TAPT1: variants seen among roughly 807,000 people sequenced by gnomAD.
The protein encoded by TAPT1 is transmembrane anterior posterior transformation protein 1 homolog.
Under a neutral mutation model 65.6 loss-of-function variants are expected in TAPT1, and 28 were observed. That is an observed-to-expected ratio of 0.43 (90% confidence interval 0.32 to 0.59). TAPT1 has a LOEUF of 0.59. Ranked by LOEUF, TAPT1 falls within the 20% of genes least tolerant of loss-of-function variation. TAPT1 has a pLI of 0.09. For synonymous variants in TAPT1, 278 were observed against 245.2 expected, an observed-to-expected ratio of 1.13 and a Z score of -1.25; for missense variants, 563 against 679.9, an observed-to-expected ratio of 0.83 and a Z score of 1.91.
At chr4:16,165,352 C>T (rs1361821377) in intron 13 of TAPT1, among the ~76,000 whole-genome samples, 4 of 152,014 alleles carry the variant, frequency 2.6e-5, no homozygotes, top group East Asian at 1.9e-4. Flanking sequence ...AGGCGGATCA[C>T]GAGGTCAGGA....
At chr4:16,174,835 G>A in intron 9 of TAPT1, 106 bp from the exon 10 acceptor site, 2 of 807,080 alleles carry the variant, frequency 2.5e-6, no homozygotes, top group Non-Finnish European at 3.7e-6. Flanking sequence ...CCAGGAACAA[G>A]TGCTAATAAC....
chr4:16,172,138 A>C (rs909618399), intron 11 of TAPT1, among the ~76,000 whole-genome samples: 2 of 152,186 alleles, frequency 1.3e-5, no homozygotes, highest in Non-Finnish European at 2.9e-5. Flanking sequence ...AGGTGTTCCA[A>C]AAGTGTTTTG....
At chr4:16,192,610 A>G (rs1340096675) in intron 3 of TAPT1, among the ~76,000 whole-genome samples, 1 of 152,250 alleles carries the variant, frequency 6.6e-6, no homozygotes, top group African/African-American at 2.4e-5. Flanking sequence ...TTAGAAAAGA[A>G]GAAATTTAAG....
chr4:16,186,631 TTTATGA>T (rs1749031612), intron 6 of TAPT1, 27 bp from the exon 7 acceptor site: 7 of 1,469,368 alleles, frequency 4.8e-6, no homozygotes, highest in African/African-American at 4.2e-5. Context: ...AAATACCATC[TTTATGA>T]TTATAACAGT....
chr4:16,164,488 A>G (rs1460024531), intron 13 of TAPT1, among the ~76,000 whole-genome samples: 1 of 152,224 alleles, frequency 6.6e-6, no homozygotes, highest in African/African-American at 2.4e-5. Context: ...TGTACTTCTC[A>G]TAACATGACC....
intron 1 of TAPT1, among the ~76,000 whole-genome samples, chr4:16,224,118 G>A (rs1468372203): frequency 2.6e-5 from 4 of 152,176 alleles, no homozygotes; most frequent in South Asian, 2.1e-4. Flanking sequence ...CCTTAAGTCC[G>A]AGCATCTAGC....
At chr4:16,198,869 C>A (rs1248013227) in intron 3 of TAPT1, among the ~76,000 whole-genome samples, 1 of 152,094 alleles carries the variant, frequency 6.6e-6, no homozygotes, top group Non-Finnish European at 1.5e-5. Context: ...TTAACAATAG[C>A]TTTGTTTATG....
intron 11 of TAPT1, 26 bp downstream of exon 11, chr4:16,174,178 A>G: frequency 6.5e-7 from 1 of 1,542,932 alleles, no homozygotes; most frequent in Middle Eastern, 1.7e-4. Flanking sequence ...CTTTGTTACA[A>G]AAAACATTAA....
chr4:16,164,472 C>T (rs1308983249), intron 13 of TAPT1, among the ~76,000 whole-genome samples: 1 of 152,214 alleles, frequency 6.6e-6, no homozygotes, highest in Non-Finnish European at 1.5e-5. Context: ...AGGTCGTCAT[C>T]CTGAATGTAC....
At chr4:16,215,701 G>A (rs1291241254) in intron 1 of TAPT1, among the ~76,000 whole-genome samples, 1 of 152,174 alleles carries the variant, frequency 6.6e-6, no homozygotes, top group Non-Finnish European at 1.5e-5. Flanking sequence ...CATGGGTTAA[G>A]TGCACGCAAT....
chr4:16,191,346 A>T lies in TAPT1; in HGVS notation c.612+15T>A. Reference sequence around the variant, plus strand: ...TGCCCTGGCCAGGCCTGTGCGGGGTAAGCAAGGCCCTTACCTCCAGCATGT... The same window carrying T: ...TGCCCTGGCCAGGCCTGTGCGGGGTTAGCAAGGCCCTTACCTCCAGCATGT... On this transcript the variant is annotated intron_variant, in intron 4 of 13. Transcript: ENST00000405303. 1 of 1,591,538 alleles carries T rather than the reference A, an allele frequency of 6.3e-7. No individual in the cohort carries two copies. Among genetic ancestry groups the T allele is most frequent in the Non-Finnish European group, 8.6e-7 (1 of 1,168,674 alleles).
chr4:16,167,848 C>A (rs536578351), intron 12 of TAPT1, among the ~76,000 whole-genome samples: 35 of 152,204 alleles, frequency 2.3e-4, no homozygotes, highest in African/African-American at 7.7e-4. Context: ...TATGGGTTAT[C>A]AAATAACAAA....
At chr4:16,227,218 A>C (rs1179673093), upstream of TAPT1, 1 of 455,256 alleles carries the variant, frequency 2.2e-6, no homozygotes, top group Non-Finnish European at 4.4e-6. Flanking sequence ...GGACCGGCAG[A>C]GTTTCAAGGG....
intron 11 of TAPT1, among the ~76,000 whole-genome samples, chr4:16,173,322 T>C (rs1748122161): frequency 1.3e-5 from 2 of 152,206 alleles, no homozygotes; most frequent in African/African-American, 4.8e-5. Context: ...TTTGCAAGCC[T>C]GTTGTGGGCA....
chr4:16,179,707 A>C (rs759637065), intron 7 of TAPT1, 50 bp from the exon 8 acceptor site: 47 of 904,244 alleles, frequency 5.2e-5, no homozygotes, highest in Non-Finnish European at 6.9e-5. Context: ...TAAACAACAT[A>C]ATAAAGTACA....
chr4:16,164,602 T>C (rs1747461376), intron 13 of TAPT1, among the ~76,000 whole-genome samples: 4 of 152,238 alleles, frequency 2.6e-5, no homozygotes, highest in Admixed American at 2.6e-4. Context: ...CTTTTTGTTT[T>C]TATATTTTTT....
At chr4:16,227,347 C>T, upstream of TAPT1, 2 of 455,190 alleles carry the variant, frequency 4.4e-6, no homozygotes, top group Non-Finnish European at 8.9e-6. Flanking sequence ...CCCTTTCCAG[C>T]TCTGGCGTGT....
At chr4:16,187,081 G>C (rs1230958591) in intron 5 of TAPT1, among the ~76,000 whole-genome samples, 2 of 152,176 alleles carry the variant, frequency 1.3e-5, no homozygotes, top group African/African-American at 4.8e-5. Flanking sequence ...ACGAACAAAA[G>C]TGGAAATGTA....
chr4:16,207,684 T>C (rs7690701), intron 2 of TAPT1, among the ~76,000 whole-genome samples: 26,370 of 152,186 alleles, frequency 0.17, 4,565 homozygotes, highest in African/African-American at 0.45. Context: ...CTAAGGTTGT[T>C]GATGCTTGAT....
Sources: allele counts gnomAD v4.1 joint callset (sites outside exome capture counted in the v4.1 genomes callset), GRCh38; gene constraint gnomAD v4.1.1; transcripts MANE v1.5; gene names NCBI Gene and HGNC (gene_info 2026-07-23, HGNC 2026-07-21).